The following XKR4 variants were observed in gnomAD, a reference collection of about 807,000 sequenced individuals.
XKR4 encodes XK-related protein 4.
Under a neutral mutation model 53.9 loss-of-function variants are expected in XKR4, and 12 were observed. The ratio of observed to expected loss-of-function variants is 0.22; its 90% CI spans 0.14 to 0.36. XKR4 has a LOEUF of 0.36. Among genes scored for constraint, XKR4 ranks in the 10% least tolerant of loss-of-function variants. The probability of loss-of-function intolerance (pLI) is 1.00; values close to 1 mark genes in which losing one functional copy is unlikely to be tolerated. For missense variants in XKR4, 799 were observed against 859.5 expected (o/e 0.93, Z 0.88); for synonymous variants, 354 against 362.4 (o/e 0.98, Z 0.26).
chr8:55,163,187 C>A (rs1244632608), intron 1 of XKR4, among the ~76,000 whole-genome samples: 1 of 152,192 alleles, frequency 6.6e-6, no homozygotes, highest in East Asian at 1.9e-4. Flanking sequence ...AAGCTTAATT[C>A]TTTGAACTTA....
chr8:55,115,847 G>A (rs1282417972), intron 1 of XKR4, among the ~76,000 whole-genome samples: 1 of 152,132 alleles, frequency 6.6e-6, no homozygotes, highest in Non-Finnish European at 1.5e-5. Flanking sequence ...AGATAATTAA[G>A]CACATTGACT....
At chr8:55,106,606 C>G (rs1410430187) in intron 1 of XKR4, among the ~76,000 whole-genome samples, 1 of 152,082 alleles carries the variant, frequency 6.6e-6, no homozygotes, top group African/African-American at 2.4e-5. Flanking sequence ...GTTTTTAGTC[C>G]TCATGCTTTT....
rs143245342 is a variant in XKR4 at position 55,269,021 on chromosome 8, G to A, written c.807-88657G>A. On this transcript the variant is annotated intron_variant, in intron 1 of 2. Transcript: ENST00000327381. ...CTTAATGACTTAGGCCACTTATGGA[G>A]TACCTCAGATGTTTCCTTTTAACTT... Among the ~76,000 whole-genome samples the A allele has an allele frequency of 3.3e-5, 5 of 152,326 alleles. No homozygotes were observed. In the East Asian group the frequency reaches 9.6e-4, roughly 29 times the overall value.
intron 1 of XKR4, among the ~76,000 whole-genome samples, chr8:55,221,591 G>A (rs930149706): frequency 6.6e-6 from 1 of 152,146 alleles, no homozygotes; most frequent in African/African-American, 2.4e-5. Flanking sequence ...CTACACGTTG[G>A]TGACCCTCTT....
chr8:55,337,779 A>G (rs1437907009), intron 1 of XKR4, among the ~76,000 whole-genome samples: 2 of 152,250 alleles, frequency 1.3e-5, no homozygotes, highest in Non-Finnish European at 2.9e-5. Flanking sequence ...TTTTAAAGGA[A>G]TACCCTTTGC....
In XKR4 at chr8:55,523,763, A is replaced by T. The variant is rs761908529; in HGVS notation, c.1489A>T (p.Ser497Cys). ...FAIPALCVVF[S>C]SFLTGVVFML... The stretch of plus-strand genomic sequence containing the variant: ...CATTCCAGCGCTGTGTGTGGTGTTC[A>T]GCAGCTTTTTAACTGGCGTTGTTTT... The change falls in exon 3 of 3, where the codon AGC becomes TGC. Residue 497 changes from serine (S) to cysteine (C), a missense_variant. Around this residue, in one of 3 missense-constraint regions of XKR4, gnomAD observed 269 missense variants for 264.4 expected, o/e 1.02. Coordinates refer to ENST00000327381, the MANE Select transcript of XKR4 (RefSeq NM_052898.2). The T allele has an allele frequency of 6.2e-7, 1 of 1,614,180 alleles. No individual in the cohort carries two copies. Among genetic ancestry groups the T allele is most frequent in the East Asian group, 2.2e-5 (1 of 44,890 alleles).
At chr8:55,428,051 G>T (rs1284311163) in intron 2 of XKR4, among the ~76,000 whole-genome samples, 1 of 152,146 alleles carries the variant, frequency 6.6e-6, no homozygotes, top group Non-Finnish European at 1.5e-5. Context: ...CAGTCTATGG[G>T]AACTGGATGT....
intron 1 of XKR4, among the ~76,000 whole-genome samples, chr8:55,261,033 C>A (rs1353948133): frequency 3.3e-5 from 5 of 152,170 alleles, no homozygotes; most frequent in Non-Finnish European, 7.3e-5. Context: ...GACTTCCTTA[C>A]CCTCACAATC....
At chr8:55,277,367 T>A (rs1333068535) in intron 1 of XKR4, among the ~76,000 whole-genome samples, 2 of 152,230 alleles carry the variant, frequency 1.3e-5, no homozygotes, top group African/African-American at 4.8e-5. Flanking sequence ...TATATACACA[T>A]ACAAGTTGAG....
At chr8:55,107,628 A>C (rs1366635900) in intron 1 of XKR4, among the ~76,000 whole-genome samples, 1 of 152,216 alleles carries the variant, frequency 6.6e-6, no homozygotes, top group African/African-American at 2.4e-5. Flanking sequence ...AGTAGTTTTA[A>C]TGATTACATG....
In XKR4 at chr8:55,103,052, T is replaced by C. The variant is rs755034932; in HGVS notation, c.564T>C (p.Pro188=). ...TAAAASSCPQ[P]GADCKTVVGG... is the part of the protein sequence containing the mutation. ...CTGCTGCCTCCAGCTGCCCGCAGCC[T>C]GGAGCCGATTGCAAGACGGTGGTCG... Residue 188 remains proline (P), a synonymous_variant, in exon 1 of 3, where the codon CCT becomes CCC. Coordinates refer to ENST00000327381, the MANE Select transcript of XKR4 (RefSeq NM_052898.2). 1 of 1,612,720 alleles carries C rather than the reference T, an allele frequency of 6.2e-7. No homozygotes were observed.
chr8:55,279,427 A>G (rs1818806460), intron 1 of XKR4, among the ~76,000 whole-genome samples: 1 of 152,180 alleles, frequency 6.6e-6, no homozygotes, highest in Non-Finnish European at 1.5e-5. Flanking sequence ...GGCAGAGGGC[A>G]CTTGCATTGC....
At chr8:55,396,560 C>CAG in intron 2 of XKR4, among the ~76,000 whole-genome samples, 1 of 151,932 alleles carries the variant, frequency 6.6e-6, no homozygotes, top group Non-Finnish European at 1.5e-5. Flanking sequence ...GAAGAAAGGA[C>CAG]CTGAAGAAAA....
chr8:55,433,373 C>T (rs1240212907), intron 2 of XKR4, among the ~76,000 whole-genome samples: 2 of 152,142 alleles, frequency 1.3e-5, no homozygotes, highest in Non-Finnish European at 2.9e-5. Context: ...TAGTTCTGTG[C>T]ATTATAATTG....
At chr8:55,318,849 C>T (rs550702645) in intron 1 of XKR4, among the ~76,000 whole-genome samples, 1 of 152,252 alleles carries the variant, frequency 6.6e-6, no homozygotes, top group South Asian at 2.1e-4. Flanking sequence ...ATAAGTTTCT[C>T]TATTATCAGA....
chr8:55,209,450 G>A lies in XKR4; in HGVS notation c.806+106156G>A, dbSNP rs151029923. On this transcript the variant is annotated intron_variant, in intron 1 of 2. Coordinates refer to ENST00000327381, the MANE Select transcript of XKR4 (RefSeq NM_052898.2). ...GACAGTCTGACTCCAGAGCCCGTGC[G>A]CTTAATTCCACGCTGTGCATCCTCC... Among the ~76,000 whole-genome samples the A allele has an allele frequency of 6.8e-4, 104 of 152,296 alleles. No individual in the cohort carries two copies. In the East Asian group the frequency reaches 0.014, roughly 21 times the overall value.
chr8:55,234,924 T>C lies in XKR4; in HGVS notation c.807-122754T>C, dbSNP rs568869748. On this transcript the variant is annotated intron_variant, in intron 1 of 2. Transcript: ENST00000327381. ...GCTCCTTGGCCCTGCCTTTAATACCTGTGTGTTCAATGGGCAAGGGCATCA... is the reference window on the plus strand; with the variant it reads ...GCTCCTTGGCCCTGCCTTTAATACCCGTGTGTTCAATGGGCAAGGGCATCA... Among the ~76,000 whole-genome samples, 27 of 152,266 alleles carry C rather than the reference T, an allele frequency of 1.8e-4. No homozygotes were observed. In the South Asian group the frequency reaches 5.2e-3, roughly 29 times the overall value.
intron 1 of XKR4, among the ~76,000 whole-genome samples, chr8:55,243,635 A>C (rs1818241513): frequency 6.6e-6 from 1 of 152,206 alleles, no homozygotes; most frequent in South Asian, 2.1e-4. Context: ...GCCTTGTAAA[A>C]AACTACCAAA....
intron 2 of XKR4, among the ~76,000 whole-genome samples, chr8:55,491,658 T>TTTG (rs1806274460): frequency 8.9e-6 from 1 of 112,958 alleles, no homozygotes; most frequent in Non-Finnish European, 2.0e-5. Flanking sequence ...TTGTTTGTTT[T>TTTG]TTATTGCTGG....
Sources: allele counts gnomAD v4.1 joint callset (sites outside exome capture counted in the v4.1 genomes callset), GRCh38; gene constraint gnomAD v4.1.1; regional missense constraint gnomAD v4.1.1; transcripts MANE v1.5; gene names NCBI Gene and HGNC (gene_info 2026-07-23, HGNC 2026-07-21).